CSNK1G3: variants seen among roughly 807,000 people sequenced by gnomAD.
The protein encoded by CSNK1G3 is casein kinase 1 gamma 3.
In CSNK1G3, 23 loss-of-function variants were observed where a neutral mutation model predicts 64.3. That is an observed-to-expected ratio of 0.36 (90% CI 0.26 to 0.51). The LOEUF (loss-of-function observed/expected upper bound fraction) is 0.51. Among genes scored for constraint, CSNK1G3 ranks in the 20% least tolerant of loss-of-function variants. The pLI, the probability that CSNK1G3 is intolerant of heterozygous loss-of-function variation, is 0.96. For synonymous variants in CSNK1G3, 158 were observed against 162.2 expected (o/e 0.97, Z 0.20); for missense variants, 357 against 510.5 (o/e 0.70, Z 2.90).
intron 1 of CSNK1G3, among the ~76,000 whole-genome samples, chr5:123,527,316 G>A (rs949112455): frequency 2.6e-5 from 4 of 152,096 alleles, no homozygotes; most frequent in Non-Finnish European, 5.9e-5. Context: ...GGGGTTTAAG[G>A]TACCTTTGGG....
At chr5:123,608,463 T>G (rs1248847069) in intron 12 of CSNK1G3, among the ~76,000 whole-genome samples, 1 of 152,192 alleles carries the variant, frequency 6.6e-6, no homozygotes. Flanking sequence ...TGATAGCACC[T>G]TCATCATTCC....
intron 1 of CSNK1G3, among the ~76,000 whole-genome samples, chr5:123,527,702 T>G (rs907595267): frequency 1.3e-5 from 2 of 152,328 alleles, no homozygotes; most frequent in East Asian, 3.9e-4. Context: ...ATAACTGTTA[T>G]GAGAACCATG....
chr5:123,533,215 C>T (rs911856467), intron 1 of CSNK1G3, among the ~76,000 whole-genome samples: 2 of 151,878 alleles, frequency 1.3e-5, no homozygotes, highest in Non-Finnish European at 2.9e-5. Flanking sequence ...CTTGCCCCGT[C>T]CTTCCTTTTA....
At chr5:123,573,619 G>T in intron 5 of CSNK1G3, 78 bp downstream of exon 5, 2 of 1,312,208 alleles carry the variant, frequency 1.5e-6, no homozygotes, top group Middle Eastern at 4.2e-4. Flanking sequence ...AAAGTTTAAA[G>T]TTCTGTGATA....
intron 6 of CSNK1G3, among the ~76,000 whole-genome samples, chr5:123,582,056 A>G (rs1360575425): frequency 1.3e-5 from 2 of 152,086 alleles, no homozygotes; most frequent in Non-Finnish European, 2.9e-5. Flanking sequence ...TGCATGTATC[A>G]TAGAAAACTT....
intron 4 of CSNK1G3, among the ~76,000 whole-genome samples, chr5:123,562,378 A>G (rs1785923222): frequency 6.6e-6 from 1 of 152,112 alleles, no homozygotes; most frequent in African/African-American, 2.4e-5. Context: ...GAGGGCAGTG[A>G]TAATGATATG....
chr5:123,579,027 C>G (rs1789723452), intron 6 of CSNK1G3, among the ~76,000 whole-genome samples: 1 of 151,926 alleles, frequency 6.6e-6, no homozygotes, highest in South Asian at 2.1e-4. Flanking sequence ...TCCATCACTG[C>G]TGCTCAAAAG....
intron 1 of CSNK1G3, among the ~76,000 whole-genome samples, chr5:123,514,352 A>G (rs1424431391): frequency 6.6e-6 from 1 of 152,220 alleles, no homozygotes; most frequent in Non-Finnish European, 1.5e-5. Flanking sequence ...CATTTACAAT[A>G]TATTAACAAA....
At chr5:123,548,956 G>T (rs558916506) in intron 2 of CSNK1G3, among the ~76,000 whole-genome samples, 2 of 152,228 alleles carry the variant, frequency 1.3e-5, no homozygotes, top group Non-Finnish European at 2.9e-5. Flanking sequence ...TCTCATGATT[G>T]TGTGGCTGAC....
chr5:123,560,261 T>C (rs1344024867), intron 4 of CSNK1G3, among the ~76,000 whole-genome samples: 2 of 152,164 alleles, frequency 1.3e-5, no homozygotes, highest in Non-Finnish European at 2.9e-5. Context: ...TTGGAATCCT[T>C]GTGCATTGGT....
intron 1 of CSNK1G3, among the ~76,000 whole-genome samples, chr5:123,526,177 A>G (rs1431497354): frequency 6.6e-6 from 1 of 151,894 alleles, no homozygotes; most frequent in Non-Finnish European, 1.5e-5. Flanking sequence ...TGCCAGGACT[A>G]CAAGCATATG....
chr5:123,575,998 C>T (rs1445142123), intron 6 of CSNK1G3, 35 bp downstream of exon 6: 1 of 1,409,326 alleles, frequency 7.1e-7, no homozygotes, highest in Non-Finnish European at 1.0e-6. Flanking sequence ...GAAGTTTGAA[C>T]TTAGCAGCTG....
intron 4 of CSNK1G3, among the ~76,000 whole-genome samples, chr5:123,572,906 C>G (rs1301736776): frequency 1.3e-5 from 2 of 152,120 alleles, no homozygotes; most frequent in African/African-American, 4.8e-5. Flanking sequence ...AGTGAGATCC[C>G]AGGAATCATG....
intron 12 of CSNK1G3, among the ~76,000 whole-genome samples, chr5:123,606,532 C>T (rs1450298510): frequency 2.0e-5 from 3 of 152,124 alleles, no homozygotes; most frequent in African/African-American, 4.8e-5. Flanking sequence ...ATAATACCTA[C>T]TTCATAGGTT....
chr5:123,572,104 T>A (rs888030200), intron 4 of CSNK1G3, among the ~76,000 whole-genome samples: 3 of 152,192 alleles, frequency 2.0e-5, no homozygotes, highest in Non-Finnish European at 4.4e-5. Context: ...CACAGAGTAA[T>A]TTTTTGTAAA....
chr5:123,610,044 G>A (rs1796046334), intron 12 of CSNK1G3, among the ~76,000 whole-genome samples: 1 of 152,138 alleles, frequency 6.6e-6, no homozygotes, highest in Admixed American at 6.5e-5. Flanking sequence ...ATGAGAAAAT[G>A]GGAAAATTTT....
chr5:123,555,269 A>G (rs1199378801), intron 3 of CSNK1G3, among the ~76,000 whole-genome samples: 1 of 152,182 alleles, frequency 6.6e-6, no homozygotes, highest in Non-Finnish European at 1.5e-5. Context: ...AGTCACGTTC[A>G]CCTCAAGTTC....
intron 1 of CSNK1G3, among the ~76,000 whole-genome samples, chr5:123,519,930 A>T (rs1372893909): frequency 2.6e-5 from 4 of 152,248 alleles, no homozygotes; most frequent in African/African-American, 9.6e-5. Flanking sequence ...GTGGGCTACC[A>T]ATGTAAATCA....
chr5:123,562,332 C>T (rs186776940), intron 4 of CSNK1G3, among the ~76,000 whole-genome samples: 1 of 152,010 alleles, frequency 6.6e-6, no homozygotes, highest in Non-Finnish European at 1.5e-5. Context: ...TATTATTTGT[C>T]TATGTCTGTC....
Sources: allele counts gnomAD v4.1 joint callset (sites outside exome capture counted in the v4.1 genomes callset), GRCh38; gene constraint gnomAD v4.1.1; transcripts MANE v1.5; gene names NCBI Gene and HGNC (gene_info 2026-07-23, HGNC 2026-07-21).